Variants in FGF14 observed in about 807,000 individuals in gnomAD.
FGF14 encodes the protein fibroblast growth factor homologous factor 4.
In FGF14, 5 loss-of-function variants were observed where a neutral mutation model predicts 25.5. The observed-to-expected ratio is 0.20, with a 90% CI of 0.10 to 0.41. The LOEUF (loss-of-function observed/expected upper bound fraction) is 0.41. FGF14 is among the 10% of genes least tolerant of loss of function. FGF14 has a pLI of 1.00. For synonymous variants in FGF14, 138 were observed against 118.3 expected (o/e 1.17, Z -1.08); for missense variants, 222 against 320.1 (o/e 0.69, Z 2.34).
intron 3 of FGF14, among the ~76,000 whole-genome samples, chr13:101,861,070 A>T (rs2044391359): frequency 6.6e-6 from 1 of 152,142 alleles, no homozygotes; most frequent in African/African-American, 2.4e-5. Context: ...GTTATTTAAT[A>T]AACTTCTTTG....
intron 1 of FGF14, among the ~76,000 whole-genome samples, chr13:102,132,306 C>T (rs891249063): frequency 6.6e-6 from 1 of 152,054 alleles, no homozygotes; most frequent in South Asian, 2.1e-4. Context: ...TATTTTCTAC[C>T]ACAGTACTAC....
In FGF14 at chr13:101,796,414, G is replaced by A. The variant is rs1322950588; in HGVS notation, c.409-69604C>T. On this transcript the variant is annotated intron_variant, in intron 3 of 4. Coordinates refer to ENST00000376143, the MANE Select transcript of FGF14 (RefSeq NM_004115.4). ...CTGCTATAATGTTGAGCCTGAGCAT[G>A]CACTGGGGGGTCCTTATGCCCCCAT... 3.3e-5 allele frequency among the ~76,000 whole-genome samples: 5 copies of A among 151,934 alleles called. No individual in the cohort carries two copies. The East Asian group carries it at 9.7e-4, about 29-fold the overall frequency.
intron 1 of FGF14, among the ~76,000 whole-genome samples, chr13:102,383,691 T>A (rs551655839): frequency 6.6e-6 from 1 of 152,116 alleles, no homozygotes; most frequent in Admixed American, 6.6e-5. Context: ...CCTCTATCAA[T>A]CACTGCTTTA....
At chr13:101,946,958 G>A (rs746305508) in intron 1 of FGF14, among the ~76,000 whole-genome samples, 40 of 152,178 alleles carry the variant, frequency 2.6e-4, no homozygotes, top group Non-Finnish European at 3.7e-4. Flanking sequence ...TTAGTGCCCC[G>A]AGTTTTTATC....
intron 1 of FGF14, among the ~76,000 whole-genome samples, chr13:102,026,056 C>T (rs2040908852): frequency 1.3e-5 from 2 of 151,890 alleles, no homozygotes; most frequent in Admixed American, 1.3e-4. Flanking sequence ...TTCAGTCTTT[C>T]CTAATTTAGT....
intron 1 of FGF14, among the ~76,000 whole-genome samples, chr13:102,141,718 A>T (rs577574725): frequency 1.3e-5 from 2 of 152,308 alleles, no homozygotes; most frequent in African/African-American, 4.8e-5. Context: ...ATGAGTTAAC[A>T]CTATTTAGTT....
chr13:102,090,791 A>G (rs2044129884), intron 1 of FGF14, among the ~76,000 whole-genome samples: 1 of 152,240 alleles, frequency 6.6e-6, no homozygotes, highest in Admixed American at 6.5e-5. Context: ...GCCTTCCTCA[A>G]TGAAGTCAGA....
chr13:101,945,116 C>T (rs2035718621), intron 1 of FGF14, among the ~76,000 whole-genome samples: 3 of 152,148 alleles, frequency 2.0e-5, no homozygotes, highest in South Asian at 2.1e-4. Flanking sequence ...GTCAGGTGTT[C>T]GAGACCAGCG....
chr13:102,194,275 T>C (rs2049250635), intron 1 of FGF14, among the ~76,000 whole-genome samples: 1 of 152,166 alleles, frequency 6.6e-6, no homozygotes, highest in African/African-American at 2.4e-5. Context: ...TTTTCTCTTT[T>C]TTTAATTTAA....
At chr13:102,312,863 C>T (rs553014671) in intron 1 of FGF14, among the ~76,000 whole-genome samples, 1 of 152,340 alleles carries the variant, frequency 6.6e-6, no homozygotes, top group Admixed American at 6.5e-5. Context: ...CGAAGCCCTA[C>T]TTCTGGACTC....
Position 101,714,214 on chromosome 13 carries a change from A to C in FGF14, c.*8617T>G. 2.0e-6 allele frequency: 1 copy of C among 512,750 alleles called. No individual in the cohort carries two copies. The highest frequency in any genetic ancestry group is 3.5e-6 in the Non-Finnish European group (1 of 287,864). 31.8% of individuals were successfully genotyped at this position (512,750 alleles called of 1,614,324 possible). ...AGACTGGGCCATGGGACATTTGTTC[A>C]AGGCTAATTGCAACTGTCTAGATCC... On this transcript the variant is annotated 3_prime_UTR_variant, in exon 5 of 5. Transcript: ENST00000376143.
chr13:102,393,101 G>A (rs1595044427), intron 1 of FGF14, among the ~76,000 whole-genome samples: 2 of 152,250 alleles, frequency 1.3e-5, no homozygotes, highest in South Asian at 2.1e-4. Context: ...AGCCTAACCA[G>A]TGCCTTTACC....
At chr13:102,092,617 C>T (rs1026512761) in intron 1 of FGF14, among the ~76,000 whole-genome samples, 1 of 145,718 alleles carries the variant, frequency 6.9e-6, no homozygotes, top group African/African-American at 2.5e-5. Context: ...AAATTCTTAG[C>T]CCCTATAAAC....
At chr13:102,255,655 A>G (rs1315255880) in intron 1 of FGF14, among the ~76,000 whole-genome samples, 1 of 152,244 alleles carries the variant, frequency 6.6e-6, no homozygotes, top group Non-Finnish European at 1.5e-5. Context: ...GTGAGTAAGT[A>G]ATTATCTCAT....
chr13:102,001,391 C>T (rs1375951416), intron 1 of FGF14, among the ~76,000 whole-genome samples: 1 of 152,120 alleles, frequency 6.6e-6, no homozygotes, highest in Non-Finnish European at 1.5e-5. Context: ...GGAAAACCAG[C>T]AAGCATTAGG....
chr13:102,071,252 T>C (rs192767635), intron 1 of FGF14, among the ~76,000 whole-genome samples: 2 of 152,342 alleles, frequency 1.3e-5, no homozygotes, highest in East Asian at 3.9e-4. Context: ...AGATCCAGAT[T>C]GCAGGGCAGA....
At chr13:101,741,922 G>A (rs2036583643) in intron 3 of FGF14, among the ~76,000 whole-genome samples, 1 of 152,196 alleles carries the variant, frequency 6.6e-6, no homozygotes, top group Admixed American at 6.5e-5. Flanking sequence ...AGGGGAATGA[G>A]TGGTCCCTGA....
intron 1 of FGF14, among the ~76,000 whole-genome samples, chr13:102,194,796 GC>G (rs2049277266): frequency 6.6e-6 from 1 of 152,058 alleles, no homozygotes; most frequent in Non-Finnish European, 1.5e-5. Context: ...AATTATCCAT[GC>G]CCAGACATAT....
At chr13:102,090,735 T>C (rs567162875) in intron 1 of FGF14, among the ~76,000 whole-genome samples, 1 of 152,320 alleles carries the variant, frequency 6.6e-6, no homozygotes, top group Admixed American at 6.5e-5. Flanking sequence ...TTTCCATTAA[T>C]GCCTGTCCAT....
Sources: allele counts gnomAD v4.1 joint callset (sites outside exome capture counted in the v4.1 genomes callset), GRCh38; gene constraint gnomAD v4.1.1; transcripts MANE v1.5; gene names NCBI Gene and HGNC (gene_info 2026-07-23, HGNC 2026-07-21).